SGPP2: variants seen among roughly 807,000 people sequenced by gnomAD.
SGPP2 encodes sphingosine-1-phosphate phosphatase 2, also known as sphingosine 1-phosphate phosphohydrolase 2.
Under a neutral mutation model 33.9 loss-of-function variants are expected in SGPP2, and 30 were observed. That is an observed-to-expected ratio of 0.89 (90% CI 0.66 to 1.20). The LOEUF (loss-of-function observed/expected upper bound fraction) is 1.20. Among genes scored for constraint, SGPP2 ranks in the 50% most tolerant of loss-of-function variants. The probability of loss-of-function intolerance (pLI) is 0.00; values close to 1 mark genes in which losing one functional copy is unlikely to be tolerated. For missense variants in SGPP2, 458 were observed against 532.1 expected (o/e 0.86, Z 1.37); for synonymous variants, 233 against 225.0 (o/e 1.04, Z -0.32).
chr2:222,483,796 A>T (rs758250068), intron 2 of SGPP2, among the ~76,000 whole-genome samples: 3 of 152,198 alleles, frequency 2.0e-5, no homozygotes, highest in Non-Finnish European at 4.4e-5. Flanking sequence ...GATGACTTTA[A>T]ATGTGATTAT....
At chr2:222,452,972 A>T in intron 1 of SGPP2, 1 of 1,585,700 alleles carries the variant, frequency 6.3e-7, no homozygotes, top group Non-Finnish European at 8.7e-7. Flanking sequence ...GAAATCTATC[A>T]TTGAGTACAC....
At chr2:222,428,476 T>C (rs1428189496) in intron 1 of SGPP2, among the ~76,000 whole-genome samples, 1 of 152,244 alleles carries the variant, frequency 6.6e-6, no homozygotes, top group Non-Finnish European at 1.5e-5. Flanking sequence ...TCATCTTTTC[T>C]AATATCCCTG....
At chr2:222,472,495 T>C (rs993892482) in intron 1 of SGPP2, among the ~76,000 whole-genome samples, 1 of 152,056 alleles carries the variant, frequency 6.6e-6, no homozygotes. Flanking sequence ...TCTTAGGTTC[T>C]GCAATACTGA....
At chr2:222,424,517 G>C (rs975385810), upstream of SGPP2, 154 of 976,134 alleles carry the variant, frequency 1.6e-4, no homozygotes, top group Middle Eastern at 1.6e-3. Context: ...GTGCGGGATC[G>C]GCGGGGGCGA....
intron 2 of SGPP2, among the ~76,000 whole-genome samples, chr2:222,482,383 G>A (rs1698042126): frequency 6.6e-6 from 1 of 152,126 alleles, no homozygotes; most frequent in African/African-American, 2.4e-5. Flanking sequence ...TTTCTCAACT[G>A]TCTTTTATTT....
chr2:222,466,328 G>C (rs1000368681), intron 1 of SGPP2, among the ~76,000 whole-genome samples: 2 of 142,520 alleles, frequency 1.4e-5, no homozygotes, highest in African/African-American at 5.3e-5. Context: ...GCGCAATCTC[G>C]GCTCACTGTA....
At chr2:222,503,978 G>A (rs887748580) in intron 2 of SGPP2, 1 of 152,154 alleles carries the variant, frequency 6.6e-6, no homozygotes, top group Admixed American at 6.5e-5. Context: ...TGATCATTGA[G>A]AGCAATACCC....
intron 1 of SGPP2, among the ~76,000 whole-genome samples, chr2:222,426,604 C>G (rs1034760855): frequency 1.3e-5 from 2 of 152,100 alleles, no homozygotes; most frequent in African/African-American, 4.8e-5. Flanking sequence ...ACCCACCCAG[C>G]CAACACAGGA....
chr2:222,479,252 A>G (rs187760823), intron 2 of SGPP2, among the ~76,000 whole-genome samples: 78 of 152,290 alleles, frequency 5.1e-4, no homozygotes, highest in Non-Finnish European at 8.8e-4. Context: ...AATATTTTTT[A>G]AAGATGCTAA....
intron 1 of SGPP2, among the ~76,000 whole-genome samples, chr2:222,437,514 G>T (rs1013804985): frequency 6.6e-6 from 1 of 152,210 alleles, no homozygotes; most frequent in Non-Finnish European, 1.5e-5. Flanking sequence ...TCCCCATGAG[G>T]CCATCGGTGC....
intron 1 of SGPP2, among the ~76,000 whole-genome samples, chr2:222,431,189 TAA>T (rs71053081): frequency 7.3e-4 from 109 of 148,542 alleles, no homozygotes; most frequent in South Asian, 1.5e-3. Flanking sequence ...AAACTTTTCT[TAA>T]AAAAAAAAAA....
At chr2:222,493,079 C>T (rs1255970713) in intron 2 of SGPP2, among the ~76,000 whole-genome samples, 1 of 152,212 alleles carries the variant, frequency 6.6e-6, no homozygotes, top group South Asian at 2.1e-4. Flanking sequence ...TGCCCATTAC[C>T]CAGTTCCAAA....
intron 1 of SGPP2, among the ~76,000 whole-genome samples, chr2:222,437,546 G>A (rs568972693): frequency 1.1e-3 from 165 of 152,318 alleles, no homozygotes; most frequent in African/African-American, 3.8e-3. Context: ...GAGAAGGCAA[G>A]GTGGCAGGAG....
chr2:222,435,735 A>C (rs1697229563), intron 1 of SGPP2, among the ~76,000 whole-genome samples: 2 of 152,240 alleles, frequency 1.3e-5, no homozygotes, highest in African/African-American at 4.8e-5. Flanking sequence ...TCTTAGTACA[A>C]GTGTATACGT....
intron 1 of SGPP2, 57 bp downstream of exon 1, chr2:222,424,878 G>C: frequency 8.0e-7 from 1 of 1,245,782 alleles, no homozygotes. Context: ...GGACGTGCGG[G>C]TCCCTGCGAC....
At chr2:222,551,858 G>T (rs971059373) in intron 4 of SGPP2, among the ~76,000 whole-genome samples, 12 of 152,266 alleles carry the variant, frequency 7.9e-5, no homozygotes, top group African/African-American at 2.9e-4. Flanking sequence ...TTGAAACAAT[G>T]GGTACTAAGT....
At chr2:222,462,458 G>A (rs997255151) in intron 1 of SGPP2, among the ~76,000 whole-genome samples, 1 of 152,152 alleles carries the variant, frequency 6.6e-6, no homozygotes, top group South Asian at 2.1e-4. Context: ...GGGGTCAGCT[G>A]TTGGATCTGC....
At chr2:222,439,357 G>A (rs1375889298) in intron 1 of SGPP2, among the ~76,000 whole-genome samples, 5 of 152,022 alleles carry the variant, frequency 3.3e-5, no homozygotes, top group East Asian at 1.9e-4. Flanking sequence ...TTAAGAGGCC[G>A]TGATTTTCTA....
intron 1 of SGPP2, among the ~76,000 whole-genome samples, chr2:222,473,924 C>CAAAA (rs59649395): frequency 3.9e-5 from 5 of 127,418 alleles, no homozygotes; most frequent in Non-Finnish European, 6.5e-5. Context: ...AACTCTGTCT[C>CAAAA]AAAAAAAAAA....
Sources: allele counts gnomAD v4.1 joint callset (sites outside exome capture counted in the v4.1 genomes callset), GRCh38; gene constraint gnomAD v4.1.1; transcripts MANE v1.5; gene names NCBI Gene and HGNC (gene_info 2026-07-23, HGNC 2026-07-21).